Variants in CPEB3 observed in about 807,000 individuals in gnomAD.
The protein encoded by CPEB3 is cytoplasmic polyadenylation element-binding protein 3.
A neutral mutation model predicts 67.2 loss-of-function variants in CPEB3; 20 were observed. The ratio of observed to expected loss-of-function variants is 0.30; its 90% CI spans 0.21 to 0.43. The LOEUF is 0.43. Among genes scored for constraint, CPEB3 ranks in the 20% least tolerant of loss-of-function variants. The pLI is 1.00. For missense variants in CPEB3, 746 were observed against 968.6 expected (o/e 0.77, Z 3.05); for synonymous variants, 376 against 393.1 (o/e 0.96, Z 0.51).
chr10:92,112,626 G>A (rs576203383), intron 6 of CPEB3, among the ~76,000 whole-genome samples: 2 of 152,060 alleles, frequency 1.3e-5, no homozygotes, highest in Non-Finnish European at 1.5e-5. Flanking sequence ...ATATTCAAGG[G>A]GCCACCTGTG....
intron 1 of CPEB3, among the ~76,000 whole-genome samples, chr10:92,252,308 G>GCAACCCATTTTTCAAA (rs1214250310): frequency 2.7e-4 from 41 of 152,132 alleles, no homozygotes; most frequent in Admixed American, 2.7e-3. Flanking sequence ...CTTTTTTTAA[G>GCAACCCATTTTTCAAA]CAACCCATTT....
At chr10:92,065,342 G>T (rs537143976) in intron 9 of CPEB3, among the ~76,000 whole-genome samples, 2 of 152,076 alleles carry the variant, frequency 1.3e-5, no homozygotes, top group Admixed American at 6.6e-5. Context: ...TGCATCAGCC[G>T]CCCGAGTAGC....
At chr10:92,064,667 A>C (rs1842479444) in intron 9 of CPEB3, among the ~76,000 whole-genome samples, 1 of 152,174 alleles carries the variant, frequency 6.6e-6, no homozygotes, top group South Asian at 2.1e-4. Context: ...TGACATTGTC[A>C]GAAGGACCTG....
intron 9 of CPEB3, among the ~76,000 whole-genome samples, chr10:92,054,631 G>A (rs574451864): frequency 1.3e-4 from 20 of 152,146 alleles, no homozygotes; most frequent in African/African-American, 4.3e-4. Context: ...TAGTAGAGAT[G>A]GGGTTTCACC....
At chr10:92,067,435 G>A (rs1842595576) in intron 9 of CPEB3, among the ~76,000 whole-genome samples, 1 of 152,170 alleles carries the variant, frequency 6.6e-6, no homozygotes, top group South Asian at 2.1e-4. Context: ...GGGAGGCGGA[G>A]GTTGCAGTGA....
intron 7 of CPEB3, among the ~76,000 whole-genome samples, chr10:92,106,814 C>CAAAAAAAAAACAAAAAAAAAAAA (rs1844482792): frequency 1.8e-5 from 1 of 55,974 alleles, no homozygotes; most frequent in African/African-American, 8.7e-5. Context: ...GACTCTGTCT[C>CAAAAAAAAAACAAAAAAAAAAAA]AAAAAAAAAA....
rs1483232839 is a variant in CPEB3, at chr10:92,239,456, T to A, written c.895A>T (p.Asn299Tyr). ...GGGAACTTGGGCGGCGCGATCACGT[T>A]GCTGGAGAAGGGCTTTTTGAGCGGC... Reference protein sequence around the residue: ...ISPLKKPFSSNVIAPPKFPRA... With the variant: ...ISPLKKPFSSYVIAPPKFPRA... Residue 299 changes from asparagine to tyrosine, a missense_variant, in exon 2 of 10, where the codon AAC (asparagine) becomes TAC (tyrosine). This residue lies in a region of CPEB3 where 643 missense variants were observed against 717.5 expected (regional missense o/e 0.90). Transcript: ENST00000265997. This position sits in a 1 kb window ranked among gnomAD's most constrained non-coding sequence, Gnocchi z 6.0. The A allele has an allele frequency of 6.3e-7, 1 of 1,598,194 alleles. No individual in the cohort carries two copies.
chr10:92,146,002 A>G (rs1318721619), intron 4 of CPEB3, among the ~76,000 whole-genome samples: 1 of 152,244 alleles, frequency 6.6e-6, no homozygotes, highest in Admixed American at 6.5e-5. Flanking sequence ...AGGACAGGGT[A>G]AGTAAATGAA....
chr10:92,062,244 C>CAA (rs35185791), intron 9 of CPEB3, among the ~76,000 whole-genome samples: 37,388 of 119,560 alleles, frequency 0.31, 7,238 homozygotes, highest in South Asian at 0.52. Context: ...GACCCTGTCT[C>CAA]AAAAAAAAAA....
chr10:92,128,274 T>C lies in CPEB3; in HGVS notation c.1453+14755A>G, dbSNP rs143316087. Reference sequence around the variant, plus strand: ...TCCCTGGGCCACACTTGAAGAAGAATTGTCTTGGGCCACACATACAGTATA... The same window carrying C: ...TCCCTGGGCCACACTTGAAGAAGAACTGTCTTGGGCCACACATACAGTATA... On this transcript the variant is annotated intron_variant, in intron 6 of 9. Coordinates refer to ENST00000265997, the MANE Select transcript of CPEB3 (RefSeq NM_014912.5). Among the ~76,000 whole-genome samples the C allele has an allele frequency of 9.2e-5, 14 of 152,320 alleles. No individual in the cohort carries two copies. The East Asian group carries it at 1.5e-3, about 17-fold the overall frequency.
Position 92,256,535 on chromosome 10 carries a change from C to T in CPEB3, c.-11-16174G>A, listed in dbSNP as rs563680610. Among the ~76,000 whole-genome samples the T allele has an allele frequency of 8.6e-5, 13 of 151,972 alleles. 1 individual carries two copies. The South Asian group carries it at 2.5e-3, about 29-fold the overall frequency. ...TCCTGAGTAGCTGGGACTACAGGCA[C>T]GTGCCACCACACCCAGCTAATTTTT... On this transcript the variant is annotated intron_variant, in intron 1 of 9. Coordinates refer to ENST00000265997, the MANE Select transcript of CPEB3 (RefSeq NM_014912.5).
At chr10:92,189,425 C>T (rs1848851822) in intron 3 of CPEB3, among the ~76,000 whole-genome samples, 3 of 152,184 alleles carry the variant, frequency 2.0e-5, no homozygotes, top group Non-Finnish European at 4.4e-5. Flanking sequence ...TGAGCAGTTT[C>T]TAGTGCCAGG....
intron 1 of CPEB3, among the ~76,000 whole-genome samples, chr10:92,273,096 G>T (rs756996489): frequency 6.6e-6 from 1 of 152,140 alleles, no homozygotes; most frequent in African/African-American, 2.4e-5. Context: ...GATGGGTAGG[G>T]GAATGTGGTA....
At chr10:92,251,389 TTCTC>T (rs140503056) in intron 1 of CPEB3, among the ~76,000 whole-genome samples, 86 of 149,664 alleles carry the variant, frequency 5.7e-4, no homozygotes, top group East Asian at 1.2e-3. Context: ...TTCTCTCCTC[TTCTC>T]TCTCTCTCTC....
At chr10:92,191,136 G>T (rs1358281900) in intron 3 of CPEB3, among the ~76,000 whole-genome samples, 2 of 151,870 alleles carry the variant, frequency 1.3e-5, no homozygotes, top group Non-Finnish European at 2.9e-5. Context: ...TATCAGCCGG[G>T]TGCGGTGGCA....
intron 7 of CPEB3, among the ~76,000 whole-genome samples, chr10:92,109,680 T>A (rs976147142): frequency 2.0e-5 from 3 of 152,222 alleles, no homozygotes; most frequent in African/African-American, 7.2e-5. Context: ...ACTTTTATAC[T>A]GGCTAAAATC....
At chr10:92,235,314 C>T (rs1300165466) in intron 2 of CPEB3, among the ~76,000 whole-genome samples, 3 of 152,100 alleles carry the variant, frequency 2.0e-5, no homozygotes, top group South Asian at 4.1e-4. Flanking sequence ...GGTGTGGTGG[C>T]GGGCACCTGT....
chr10:92,242,262 A>G (rs924236005), intron 1 of CPEB3, among the ~76,000 whole-genome samples: 31 of 152,130 alleles, frequency 2.0e-4, no homozygotes, highest in South Asian at 6.2e-4. Flanking sequence ...CCCCCCAGGG[A>G]AAAAAACCCA....
At chr10:92,105,771 G>A (rs1315303978) in intron 7 of CPEB3, among the ~76,000 whole-genome samples, 1 of 144,666 alleles carries the variant, frequency 6.9e-6, no homozygotes, top group East Asian at 2.1e-4. Context: ...CCAGGCTGGA[G>A]TGCAGCAGCC....
Sources: allele counts gnomAD v4.1 joint callset (sites outside exome capture counted in the v4.1 genomes callset), GRCh38; gene constraint gnomAD v4.1.1; regional missense constraint gnomAD v4.1.1; non-coding constraint Gnocchi (gnomAD v3.1); transcripts MANE v1.5; gene names NCBI Gene and HGNC (gene_info 2026-07-23, HGNC 2026-07-21).